Variants in WIPF1 observed in about 807,000 individuals in gnomAD.
WIPF1 encodes WAS/WASL-interacting protein family member 1.
WIPF1 carries 13 observed loss-of-function variants against 35.4 expected under a neutral mutation model. The observed-to-expected ratio is 0.37, with a 90% CI of 0.24 to 0.58. WIPF1 has a LOEUF of 0.58. Ranked by LOEUF, WIPF1 falls within the 20% of genes least tolerant of loss-of-function variation. WIPF1 has a pLI of 0.74. For synonymous variants in WIPF1, 267 were observed against 266.3 expected, an observed-to-expected ratio of 1.00 and a Z score of -0.02; for missense variants, 591 against 667.0, an observed-to-expected ratio of 0.89 and a Z score of 1.25.
chr2:174,676,440 G>A (rs1406347043), intron 1 of WIPF1: 1 of 150,950 alleles, frequency 6.6e-6, no homozygotes, highest in Non-Finnish European at 1.5e-5. Flanking sequence ...TGAGTAGCTG[G>A]GACTACAGGT....
intron 1 of WIPF1, among the ~76,000 whole-genome samples, chr2:174,626,288 C>T (rs1487467149): frequency 6.6e-6 from 1 of 152,222 alleles, no homozygotes; most frequent in African/African-American, 2.4e-5. Flanking sequence ...AGAACATTCT[C>T]TCTCTGATTT....
chr2:174,637,091 C>G (rs759962958), intron 1 of WIPF1, among the ~76,000 whole-genome samples: 20 of 152,180 alleles, frequency 1.3e-4, no homozygotes, highest in Admixed American at 7.2e-4. Flanking sequence ...TTTATTTATA[C>G]CAGTATGGCT....
chr2:174,589,865 A>T (rs1051285604), intron 1 of WIPF1, among the ~76,000 whole-genome samples: 6 of 152,212 alleles, frequency 3.9e-5, no homozygotes, highest in Non-Finnish European at 7.3e-5. Flanking sequence ...ATATTTTAAT[A>T]AATTAGTTTC....
At chr2:174,565,057 G>A (rs1256000239) in intron 7 of WIPF1, among the ~76,000 whole-genome samples, 2 of 151,832 alleles carry the variant, frequency 1.3e-5, no homozygotes, top group African/African-American at 2.4e-5. Context: ...CCCTATGCCC[G>A]GCTAATTTTG....
intron 1 of WIPF1, among the ~76,000 whole-genome samples, chr2:174,679,405 T>C (rs956849592): frequency 6.6e-6 from 1 of 150,838 alleles, no homozygotes; most frequent in Non-Finnish European, 1.5e-5. Flanking sequence ...GAGGCAGAGG[T>C]TGCAGTGAGC....
chr2:174,598,929 C>T (rs996603627), upstream of WIPF1, among the ~76,000 whole-genome samples: 3 of 152,104 alleles, frequency 2.0e-5, no homozygotes, highest in East Asian at 1.9e-4. Context: ...TTTTTCTTAA[C>T]CCATCTTAAA....
intron 1 of WIPF1, chr2:174,630,426 T>C (rs1487904137): frequency 6.6e-6 from 1 of 152,212 alleles, no homozygotes; most frequent in Non-Finnish European, 1.5e-5. Context: ...AACAGATGCC[T>C]CTTAAATTCA....
chr2:174,566,803 C>A (rs1684675124), intron 7 of WIPF1: 1 of 350,252 alleles, frequency 2.9e-6, no homozygotes, highest in African/African-American at 2.1e-5. Flanking sequence ...AGGAAGACGT[C>A]CAAAGAAGTA....
chr2:174,601,750 A>T (rs941217713), upstream of WIPF1, among the ~76,000 whole-genome samples: 4 of 152,232 alleles, frequency 2.6e-5, no homozygotes, highest in African/African-American at 7.2e-5. Context: ...GCTGCAGGAG[A>T]CTTGCAGAGA....
intron 2 of WIPF1, 90 bp from the exon 3 acceptor site, chr2:174,581,529 CTTG>C (rs1685241415): frequency 2.0e-6 from 3 of 1,529,148 alleles, no homozygotes; most frequent in Admixed American, 2.0e-5. Flanking sequence ...GTACGGGAAG[CTTG>C]TTGTTAAGGT....
At chr2:174,633,947 A>C (rs958137458) in intron 1 of WIPF1, among the ~76,000 whole-genome samples, 1 of 152,226 alleles carries the variant, frequency 6.6e-6, no homozygotes, top group African/African-American at 2.4e-5. Flanking sequence ...GAAGGAAAGA[A>C]AAGGGGGAAG....
chr2:174,617,527 A>G (rs894646793), intron 1 of WIPF1, among the ~76,000 whole-genome samples: 1 of 152,212 alleles, frequency 6.6e-6, no homozygotes, highest in Non-Finnish European at 1.5e-5. Flanking sequence ...GGTAATTTCT[A>G]TCAGTCATGA....
intron 1 of WIPF1, among the ~76,000 whole-genome samples, chr2:174,661,258 CA>C (rs1457108972): frequency 2.6e-5 from 4 of 152,168 alleles, no homozygotes; most frequent in African/African-American, 4.8e-5. Flanking sequence ...GGGATTGACG[CA>C]AGGGTGATTT....
chr2:174,566,926 G>A (rs1684678612), intron 7 of WIPF1, 144 bp downstream of exon 7: 1 of 648,710 alleles, frequency 1.5e-6, no homozygotes, highest in South Asian at 2.3e-5. Context: ...CACTGCCTGT[G>A]GAAGGGGAAT....
chr2:174,588,090 G>A (rs1167165325), intron 1 of WIPF1, among the ~76,000 whole-genome samples: 4 of 152,198 alleles, frequency 2.6e-5, no homozygotes, highest in Non-Finnish European at 4.4e-5. Flanking sequence ...CTTGGAGTCA[G>A]ACGTCTCCTA....
Position 174,590,145 on chromosome 2 carries a change from T to C in WIPF1, c.-38-4534A>G, listed in dbSNP as rs1224026016. ...GGGCTTTACCAGTGGGTTTATAGAA[T>C]GAAAAAGGGAGAACATGAGACCTTG... On this transcript the variant is annotated intron_variant, in intron 1 of 7. Transcript: ENST00000679041. This position sits in a 1 kb window ranked among gnomAD's most constrained non-coding sequence, Gnocchi z 4.6. Among the ~76,000 whole-genome samples the C allele has an allele frequency of 1.3e-4, 20 of 152,166 alleles. No homozygotes were observed. Among genetic ancestry groups the C allele is most frequent in the Non-Finnish European group, 1.5e-5 (1 of 68,028 alleles).
chr2:174,647,346 C>A (rs1161359269), intron 1 of WIPF1, among the ~76,000 whole-genome samples: 1 of 151,786 alleles, frequency 6.6e-6, no homozygotes, highest in Non-Finnish European at 1.5e-5. Flanking sequence ...CCACTGTACT[C>A]CAGCCTGGGC....
At chr2:174,633,022 C>T (rs996943165) in intron 1 of WIPF1, among the ~76,000 whole-genome samples, 7 of 152,132 alleles carry the variant, frequency 4.6e-5, no homozygotes, top group Admixed American at 4.6e-4. Context: ...CAAAGGGCTC[C>T]AACCAGTGAT....
Position 174,622,987 on chromosome 2 carries a change from A to G in WIPF1, c.-38-37376T>C, listed in dbSNP as rs1384042009. On this transcript the variant is annotated intron_variant, in intron 1 of 8. Transcript: ENST00000272746. The surrounding 1 kb of genome is among the most constrained non-coding windows in gnomAD (Gnocchi z 5.1). ...TCTTAAAGCCCAAAGACTTTAAGAAATAAGAGTTGGTAAATTTCAATGATG... is the reference window on the plus strand; with the variant it reads ...TCTTAAAGCCCAAAGACTTTAAGAAGTAAGAGTTGGTAAATTTCAATGATG... Among the ~76,000 whole-genome samples, 2 of 152,226 alleles carry G rather than the reference A, an allele frequency of 1.3e-5. No homozygotes were observed. Among genetic ancestry groups the G allele is most frequent in the African/African-American group, 4.8e-5 (2 of 41,446 alleles).
Sources: gnomAD v4.1 joint callset for allele counts (sites outside exome capture counted in the v4.1 genomes callset) on GRCh38, gnomAD v4.1.1 for gene constraint, Gnocchi (gnomAD v3.1) non-coding constraint, MANE v1.5 for transcripts, NCBI Gene and HGNC (gene_info 2026-07-23, HGNC 2026-07-21) for gene names.